Variants in BCL7A observed in about 807,000 individuals in gnomAD.
BCL7A encodes B-cell CLL/lymphoma 7 protein family member A.
Under a neutral mutation model 28.4 loss-of-function variants are expected in BCL7A, and 11 were observed. That is an observed-to-expected ratio of 0.39 (90% CI 0.24 to 0.64). The LOEUF is 0.64. BCL7A is among the 30% of genes least tolerant of loss of function. The pLI is 0.50. For synonymous variants in BCL7A, 123 were observed against 103.3 expected (o/e 1.19, Z -1.15); for missense variants, 222 against 274.8 (o/e 0.81, Z 1.36).
intron 3 of BCL7A, among the ~76,000 whole-genome samples, chr12:122,039,166 T>G (rs572131820): frequency 6.2e-4 from 94 of 151,546 alleles, no homozygotes; most frequent in Middle Eastern, 3.4e-3. Flanking sequence ...GCGTGGTGGC[T>G]GGTGCCTGTA....
intron 3 of BCL7A, among the ~76,000 whole-genome samples, chr12:122,039,093 G>A (rs912257963): frequency 1.3e-4 from 20 of 151,880 alleles, no homozygotes; most frequent in Non-Finnish European, 2.4e-4. Flanking sequence ...TTGGGAGATC[G>A]AGACCATCCT....
At position 122,060,064 on chromosome 12, in the gene BCL7A, G is replaced by T. The variant is rs1008384675; in HGVS notation, c.*901G>T. The T allele has an allele frequency of 4.3e-5, 10 of 233,152 alleles. No homozygotes were observed. The highest frequency in any genetic ancestry group is 6.8e-5 in the Non-Finnish European group (8 of 117,846). The allele number at this position is 233,152 out of a possible 1,614,324, so 14.4% of individuals were successfully genotyped here. ...TACGAAATGGCTTCTCTGGCTGACT[G>T]CAAGGCTGTCTCCTTAAGGCACTGA... On this transcript the variant is annotated 3_prime_UTR_variant, in exon 6 of 6. Coordinates refer to ENST00000261822, the MANE Select transcript of BCL7A (RefSeq NM_001024808.3).
At chr12:122,034,241 A>G (rs1394578809) in intron 2 of BCL7A, among the ~76,000 whole-genome samples, 3 of 79,380 alleles carry the variant, frequency 3.8e-5, no homozygotes, top group African/African-American at 1.5e-4. Context: ...ATATATATAT[A>G]TATCTTGGCG....
At chr12:122,035,758 C>T (rs1883837709) in intron 3 of BCL7A, among the ~76,000 whole-genome samples, 2 of 152,224 alleles carry the variant, frequency 1.3e-5, no homozygotes, top group Admixed American at 6.5e-5. Context: ...TCTTCGCCCC[C>T]TCATATAAAT....
chr12:122,050,970 G>A (rs1884180312), intron 4 of BCL7A, among the ~76,000 whole-genome samples: 1 of 152,190 alleles, frequency 6.6e-6, no homozygotes, highest in African/African-American at 2.4e-5. Context: ...TCCCAAGGAC[G>A]GACATGGGCT....
chr12:122,024,963 T>A (rs1883583220), intron 1 of BCL7A, among the ~76,000 whole-genome samples: 1 of 124,094 alleles, frequency 8.1e-6, no homozygotes, highest in Non-Finnish European at 1.7e-5. Context: ...CCCCTGATGC[T>A]TCCCCCACCC....
chr12:122,022,032 G>T lies in BCL7A; in HGVS notation c.-60G>T. 6.9e-7 allele frequency: 1 copy of T among 1,458,374 alleles called. No individual in the cohort carries two copies. The highest frequency in any genetic ancestry group is 9.2e-7 in the Non-Finnish European group (1 of 1,085,772). The allele number at this position is 1,458,374 out of a possible 1,614,324, so 90.3% of individuals were successfully genotyped here. A position where few individuals can be genotyped will look rare whatever the true frequency, so the allele number is the denominator to read the frequency against. ...GCGGGCGGGCGCGAGTGTGGCCGCC[G>T]CGGAGCGCGAGCAGGACCCGGCGGG... is the stretch of plus-strand genomic sequence containing the variant. On this transcript the variant is annotated 5_prime_UTR_variant, in exon 1 of 6. Transcript: ENST00000261822.
intron 1 of BCL7A, among the ~76,000 whole-genome samples, chr12:122,023,975 C>T (rs2135835439): frequency 6.6e-6 from 1 of 152,306 alleles, no homozygotes; most frequent in Middle Eastern, 3.4e-3. Flanking sequence ...CTCCAGGTTC[C>T]CGGCTGGACA....
intron 3 of BCL7A, among the ~76,000 whole-genome samples, chr12:122,039,742 A>C (rs1883931051): frequency 6.6e-6 from 1 of 151,440 alleles, no homozygotes; most frequent in African/African-American, 2.4e-5. Context: ...AATCCCAGCT[A>C]CTTGGGAGGC....
chr12:122,026,679 T>TA (rs1295891867), intron 1 of BCL7A, among the ~76,000 whole-genome samples: 1 of 152,104 alleles, frequency 6.6e-6, no homozygotes, highest in East Asian at 1.9e-4. Context: ...TGGGCCTAGC[T>TA]AGGGTGAGGC....
At position 122,022,151 on chromosome 12, in the gene BCL7A, G is replaced by A. The variant is rs1274139990; in HGVS notation, c.60G>A (p.Arg20=). ...TRSRAKDDIK[R]VMAAIEKVRK... Reference sequence around the variant, plus strand: ...GCCGGGCCAAAGATGATATCAAGAGGGTCATGGCGGCGATCGAGAAAGTGC... The same window carrying A: ...GCCGGGCCAAAGATGATATCAAGAGAGTCATGGCGGCGATCGAGAAAGTGC... The change falls in exon 1 of 6, where the codon AGG becomes AGA. Residue 20 remains arginine (R), a synonymous_variant. Transcript: ENST00000261822. The A allele has an allele frequency of 3.2e-6, 5 of 1,574,570 alleles. No homozygotes were observed. Among genetic ancestry groups the A allele is most frequent in the Non-Finnish European group, 4.3e-6 (5 of 1,159,868 alleles).
At chr12:122,023,105 A>G (rs1320799766) in intron 1 of BCL7A, among the ~76,000 whole-genome samples, 1 of 152,254 alleles carries the variant, frequency 6.6e-6, no homozygotes, top group Non-Finnish European at 1.5e-5. Context: ...GGCCCGGTCG[A>G]CATTAAGGGG....
chr12:122,042,707 G>T (rs1349245595), intron 3 of BCL7A, among the ~76,000 whole-genome samples: 3 of 151,288 alleles, frequency 2.0e-5, no homozygotes, highest in Non-Finnish European at 4.4e-5. Flanking sequence ...CCGGCAGCCT[G>T]CACTGAAGTA....
chr12:122,023,900 T>C (rs1883543076), intron 1 of BCL7A, among the ~76,000 whole-genome samples: 1 of 152,172 alleles, frequency 6.6e-6, no homozygotes, highest in African/African-American at 2.4e-5. Flanking sequence ...GTCGCCGGCC[T>C]GGAGGTTGGG....
chr12:122,029,364 C>T lies in BCL7A; in HGVS notation c.93-1336C>T, dbSNP rs531067696. On this transcript the variant is annotated intron_variant, in intron 1 of 5. Coordinates refer to ENST00000261822, the MANE Select transcript of BCL7A (RefSeq NM_001024808.3). This position sits in a 1 kb window ranked among gnomAD's most constrained non-coding sequence, Gnocchi z 4.3. Reference sequence around the variant, plus strand: ...GTATGCTCCGTCATCCCGCAACCCCCGTGGTGACAGGGTGGGAGTCCTGTA... The same window carrying T: ...GTATGCTCCGTCATCCCGCAACCCCTGTGGTGACAGGGTGGGAGTCCTGTA... 2.0e-4 allele frequency among the ~76,000 whole-genome samples: 31 copies of T among 152,184 alleles called. No individual in the cohort carries two copies. Among genetic ancestry groups the T allele is most frequent in the African/African-American group, 4.1e-4 (17 of 41,516 alleles).
chr12:122,024,931 AC>A (rs377305191), intron 1 of BCL7A, among the ~76,000 whole-genome samples: 1 of 144,330 alleles, frequency 6.9e-6, no homozygotes, highest in East Asian at 2.2e-4. Context: ...CCCTAAAATT[AC>A]CCCCCCGACC....
intron 3 of BCL7A, among the ~76,000 whole-genome samples, chr12:122,041,777 T>C (rs569890697): frequency 1.1e-4 from 17 of 151,820 alleles, no homozygotes; most frequent in Non-Finnish European, 2.4e-4. Flanking sequence ...AAATAAAAAA[T>C]ACATAAATGG....
At chr12:122,054,407 G>A (rs7299842) in intron 4 of BCL7A, among the ~76,000 whole-genome samples, 50,624 of 152,130 alleles carry the variant, frequency 0.33, 10,146 homozygotes, top group South Asian at 0.54. Context: ...ATTATTAAGA[G>A]AAATGTTTAC....
intron 1 of BCL7A, among the ~76,000 whole-genome samples, chr12:122,024,187 A>G (rs1007682406): frequency 3.3e-5 from 5 of 152,338 alleles, no homozygotes; most frequent in Non-Finnish European, 4.4e-5. Flanking sequence ...GTTTGGGGAA[A>G]CAACACATCG....
Sources: gnomAD v4.1 joint callset for allele counts (sites outside exome capture counted in the v4.1 genomes callset) on GRCh38, gnomAD v4.1.1 for gene constraint, Gnocchi (gnomAD v3.1) non-coding constraint, MANE v1.5 for transcripts, NCBI Gene and HGNC (gene_info 2026-07-23, HGNC 2026-07-21) for gene names.